The following TRAIP variants were observed in gnomAD, a reference collection of about 807,000 sequenced individuals.
The protein encoded by TRAIP is E3 ubiquitin-protein ligase TRAIP.
TRAIP carries 37 observed loss-of-function variants against 65.0 expected under a neutral mutation model. The ratio of observed to expected loss-of-function variants is 0.57; its 90% CI spans 0.44 to 0.75. The LOEUF is 0.75. Among genes scored for constraint, TRAIP ranks in the 30% least tolerant of loss-of-function variants. The pLI, the probability that TRAIP is intolerant of heterozygous loss-of-function variation, is 0.00. For synonymous variants in TRAIP, 187 were observed against 219.1 expected (o/e 0.85, Z 1.29); for missense variants, 481 against 579.4 (o/e 0.83, Z 1.74).
chr3:49,841,736 C>T, intron 7 of TRAIP, 90 bp downstream of exon 7: 1 of 1,026,176 alleles, frequency 9.7e-7, no homozygotes, highest in Non-Finnish European at 1.5e-6. Flanking sequence ...CCCTTAGTTC[C>T]ATCTGCTTTA....
intron 14 of TRAIP, 73 bp from the exon 15 acceptor site, chr3:49,829,298 G>T (rs995092418): frequency 6.2e-7 from 1 of 1,613,072 alleles, no homozygotes; most frequent in African/African-American, 1.3e-5. Context: ...GCAATGCAGG[G>T]CAAGAAAGGC....
intron 5 of TRAIP, 161 bp downstream of exon 5, chr3:49,843,640 T>C: frequency 5.3e-6 from 5 of 942,426 alleles, no homozygotes; most frequent in Non-Finnish European, 8.1e-6. Flanking sequence ...ATGGGTACAG[T>C]ATGGAAGGGC....
intron 2 of TRAIP, 71 bp from the exon 3 acceptor site, chr3:49,847,679 T>G: frequency 9.7e-7 from 1 of 1,028,596 alleles, no homozygotes; most frequent in African/African-American, 1.6e-5. Context: ...GTGTTGTACA[T>G]GGGTCTGACT....
intron 14 of TRAIP, 105 bp from the exon 15 acceptor site, chr3:49,829,330 G>A (rs542545605): frequency 5.6e-6 from 9 of 1,609,336 alleles, no homozygotes; most frequent in African/African-American, 2.7e-5. Context: ...GGTGGGCGGC[G>A]CTGATACACA....
At chr3:49,851,843 C>T (rs1362026765) in intron 1 of TRAIP, among the ~76,000 whole-genome samples, 1 of 151,604 alleles carries the variant, frequency 6.6e-6, no homozygotes, top group Non-Finnish European at 1.5e-5. Flanking sequence ...ACTAGAGGCG[C>T]CCGCCACCAT....
chr3:49,836,107 CGTGT>C (rs2081784637), intron 10 of TRAIP, among the ~76,000 whole-genome samples: 1 of 151,790 alleles, frequency 6.6e-6, no homozygotes, highest in African/African-American at 2.4e-5. Flanking sequence ...GGATTATAGG[CGTGT>C]ACCACCACAC....
In TRAIP at chr3:49,842,629, G is replaced by C. The variant is rs1211313985; in HGVS notation, c.409-82C>G. 5 of 1,302,138 alleles carry C rather than the reference G, an allele frequency of 3.8e-6. No homozygotes were observed. The African/African-American group carries it at 4.4e-5, about 11-fold the overall frequency. 80.7% of individuals were successfully genotyped at this position (1,302,138 alleles called of 1,614,324 possible). A position where few individuals can be genotyped will look rare whatever the true frequency, so the allele number is the denominator to read the frequency against. ...AAGTCACTAGGAAAACTCTGCTCCAGAACTCTCTGCAGCTTATGTTTTGAA... is the reference window on the plus strand; with the variant it reads ...AAGTCACTAGGAAAACTCTGCTCCACAACTCTCTGCAGCTTATGTTTTGAA... On this transcript the variant is annotated intron_variant, in intron 5 of 14. Coordinates refer to ENST00000331456, the MANE Select transcript of TRAIP (RefSeq NM_005879.3).
chr3:49,832,803 C>T (rs2081748193), intron 10 of TRAIP, among the ~76,000 whole-genome samples: 1 of 151,328 alleles, frequency 6.6e-6, no homozygotes, highest in Non-Finnish European at 1.5e-5. Context: ...GGGCTCCCCA[C>T]CTCCTGTCAT....
chr3:49,828,949 T>C lies in TRAIP; in HGVS notation c.*154A>G. On this transcript the variant is annotated 3_prime_UTR_variant, in exon 15 of 15. Transcript: ENST00000331456. Reference sequence around the variant, plus strand: ...GGCAGGGTGAGGGCAGGAAGAGCAGTCTCTGGGTGCCACACTCACCCTCAC... The same window carrying C: ...GGCAGGGTGAGGGCAGGAAGAGCAGCCTCTGGGTGCCACACTCACCCTCAC... 9.8e-7 allele frequency: 1 copy of C among 1,018,094 alleles called. No homozygotes were observed. The highest frequency in any genetic ancestry group is 1.5e-6 in the Non-Finnish European group (1 of 674,074). The allele number at this position is 1,018,094 out of a possible 1,614,324, so 63.1% of individuals were successfully genotyped here.
intron 10 of TRAIP, among the ~76,000 whole-genome samples, chr3:49,838,891 A>G (rs1559447597): frequency 6.6e-6 from 1 of 151,166 alleles, no homozygotes; most frequent in Non-Finnish European, 1.5e-5. Context: ...ATCTAAAAAA[A>G]AAAAAGATTA....
At chr3:49,852,362 A>G (rs1183968452) in intron 1 of TRAIP, among the ~76,000 whole-genome samples, 3 of 145,084 alleles carry the variant, frequency 2.1e-5, no homozygotes, top group Non-Finnish European at 4.6e-5. Flanking sequence ...GCGAGACTCT[A>G]CCTCAAAAAT....
rs185810909 is a variant in TRAIP, at chr3:49,832,119, C to T, written c.885-51G>A. The stretch of plus-strand genomic sequence containing the variant: ...TTGGGGCCACAGTGGTAACCCAGGA[C>T]AACAGCTCCTGAAGCATCAGAGATA... On this transcript the variant is annotated intron_variant, in intron 10 of 14. Coordinates refer to ENST00000331456, the MANE Select transcript of TRAIP (RefSeq NM_005879.3). 1.8e-3 allele frequency: 2,709 copies of T among 1,496,864 alleles called. 5 individuals are homozygous for T. Among genetic ancestry groups the T allele is most frequent in the Admixed American group, 3.3e-3 (152 of 45,842 alleles). 92.7% of individuals were successfully genotyped at this position (1,496,864 alleles called of 1,614,324 possible). A position where few individuals can be genotyped will look rare whatever the true frequency, so the allele number is the denominator to read the frequency against.
chr3:49,830,133 C>T, intron 11 of TRAIP, 65 bp from the exon 12 acceptor site: 1 of 1,551,412 alleles, frequency 6.4e-7, no homozygotes, highest in Non-Finnish European at 8.9e-7. Flanking sequence ...GAACCAGGCT[C>T]AGCACACGCC....
intron 10 of TRAIP, among the ~76,000 whole-genome samples, chr3:49,833,198 A>C (rs2081751121): frequency 6.6e-6 from 1 of 152,182 alleles, no homozygotes; most frequent in Non-Finnish European, 1.5e-5. Flanking sequence ...CAGCAAGTTG[A>C]GGCTCAGGTT....
In TRAIP at chr3:49,847,519, G is replaced by T; in HGVS notation, c.240+6C>A. On this transcript the variant is annotated splice_donor_region_variant and intron_variant, in intron 3 of 14. Coordinates refer to ENST00000331456, the MANE Select transcript of TRAIP (RefSeq NM_005879.3). ...AGTTCAGTAGAATCAGATAAATTCTGGGTACCTTTAAGAATTCTGCATCCA... is the reference window on the plus strand; with the variant it reads ...AGTTCAGTAGAATCAGATAAATTCTTGGTACCTTTAAGAATTCTGCATCCA... 6.3e-7 allele frequency: 1 copy of T among 1,592,698 alleles called. No homozygotes were observed. The highest frequency in any genetic ancestry group is 1.1e-5 in the South Asian group (1 of 88,862).
intron 10 of TRAIP, 116 bp from the exon 11 acceptor site, chr3:49,832,184 GC>G: frequency 8.1e-7 from 1 of 1,231,146 alleles, no homozygotes; most frequent in Non-Finnish European, 1.1e-6. Context: ...CTGACTCAAG[GC>G]CACCCCTCAA....
At position 49,835,821 on chromosome 3, in the gene TRAIP, C is replaced by A. The variant is rs375153987; in HGVS notation, c.885-3753G>T. ...GGGCGTGGTGGCGGGCACCTGTAGT[C>A]CCAGCTACTCGGGAGGCTGAGGCAG... On this transcript the variant is annotated intron_variant, in intron 10 of 14. Coordinates refer to ENST00000331456, the MANE Select transcript of TRAIP (RefSeq NM_005879.3). 5.9e-5 allele frequency among the ~76,000 whole-genome samples: 9 copies of A among 151,646 alleles called. No homozygotes were observed. In the East Asian group the frequency reaches 1.4e-3, roughly 23 times the overall value.
At chr3:49,833,923 C>G (rs751230558) in intron 10 of TRAIP, among the ~76,000 whole-genome samples, 48 of 152,180 alleles carry the variant, frequency 3.2e-4, no homozygotes, top group Non-Finnish European at 6.0e-4. Flanking sequence ...CCTTCCCTCA[C>G]TGGTTGAGGC....
rs747108217 is a variant in TRAIP at position 49,829,993 on chromosome 3, A to G, written c.1086+27T>C. The G allele has an allele frequency of 7.4e-6, 12 of 1,613,886 alleles. No homozygotes were observed. The Admixed American group carries it at 1.2e-4, about 16-fold the overall frequency. ...AAAGTCCAGTCCTGCCAAAGGTTAG[A>G]CTGTGCTTCTTCTAGAAAGCTCTTA... On this transcript the variant is annotated intron_variant, in intron 12 of 14. Transcript: ENST00000331456.
Sources: allele counts gnomAD v4.1 joint callset (sites outside exome capture counted in the v4.1 genomes callset), GRCh38; gene constraint gnomAD v4.1.1; transcripts MANE v1.5; gene names NCBI Gene and HGNC (gene_info 2026-07-23, HGNC 2026-07-21).